The following DZANK1 variants were observed in gnomAD, a reference collection of about 807,000 sequenced individuals.
DZANK1 encodes double zinc ribbon and ankyrin repeat-containing protein 1.
A neutral mutation model predicts 94.5 loss-of-function variants in DZANK1; 91 were observed. The ratio of observed to expected loss-of-function variants is 0.96; its 90% CI spans 0.81 to 1.15. DZANK1 has a LOEUF of 1.15. DZANK1 is among the 50% of genes most tolerant of loss of function. The pLI is 0.00. For missense variants in DZANK1, 903 were observed against 916.4 expected, an observed-to-expected ratio of 0.99 and a Z score of 0.19; for synonymous variants, 312 against 325.3, an observed-to-expected ratio of 0.96 and a Z score of 0.44.
At chr20:18,465,658 A>T (rs2059623211) in intron 1 of DZANK1, among the ~76,000 whole-genome samples, 2 of 152,196 alleles carry the variant, frequency 1.3e-5, no homozygotes, top group South Asian at 2.1e-4. Flanking sequence ...AAATTAAATG[A>T]GTAAGGCAAA....
intron 13 of DZANK1, among the ~76,000 whole-genome samples, chr20:18,402,092 T>C (rs1337323576): frequency 1.3e-5 from 2 of 152,158 alleles, no homozygotes; most frequent in Admixed American, 6.5e-5. Context: ...GACCAACTTC[T>C]GGCATGGCAG....
intron 8 of DZANK1, among the ~76,000 whole-genome samples, chr20:18,434,277 G>T (rs2063854284): frequency 6.6e-6 from 1 of 152,062 alleles, no homozygotes; most frequent in African/African-American, 2.4e-5. Flanking sequence ...GGGTGCGGTG[G>T]CTCATGCCTG....
At chr20:18,452,267 G>T (rs2059129670) in intron 6 of DZANK1, among the ~76,000 whole-genome samples, 1 of 152,186 alleles carries the variant, frequency 6.6e-6, no homozygotes, top group African/African-American at 2.4e-5. Context: ...TCAGGCCTGA[G>T]AATGTGTGTT....
rs73902459 is a variant in DZANK1 at position 18,413,263 on chromosome 20, G to A, written c.1243-428C>T. Reference sequence around the variant, plus strand: ...AGAGGACTACCATGAAAGGTTGTGCGTTGCACAACGTCACTGCATTCAAAG... The same window carrying A: ...AGAGGACTACCATGAAAGGTTGTGCATTGCACAACGTCACTGCATTCAAAG... On this transcript the variant is annotated intron_variant, in intron 12 of 20. Transcript: ENST00000262547. 1,167 of 200,454 alleles carry A rather than the reference G, an allele frequency of 5.8e-3. 15 individuals are homozygous for A. The highest frequency in any genetic ancestry group is 0.026 in the African/African-American group (1,109 of 42,942). The allele number at this position is 200,454 out of a possible 1,614,324, so 12.4% of individuals were successfully genotyped here. A position where few individuals can be genotyped will look rare whatever the true frequency, so the allele number is the denominator to read the frequency against.
intron 4 of DZANK1, 33 bp from the exon 5 acceptor site, chr20:18,453,860 G>T: frequency 8.0e-7 from 1 of 1,253,244 alleles, no homozygotes; most frequent in Non-Finnish European, 1.2e-6. Context: ...TCAATCACTT[G>T]GTTATTCCCA....
chr20:18,394,216 G>C (rs1208996660), intron 16 of DZANK1, 38 bp downstream of exon 16: 3 of 1,570,514 alleles, frequency 1.9e-6, no homozygotes, highest in Non-Finnish European at 1.7e-6. Context: ...TGTGTTCCTG[G>C]TCAGTTGTTT....
chr20:18,398,390 G>A (rs2056477467), intron 14 of DZANK1, 133 bp downstream of exon 14: 4 of 759,128 alleles, frequency 5.3e-6, no homozygotes, highest in Non-Finnish European at 9.0e-6. Context: ...AGGCAGAAGA[G>A]TAAGAAAGTG....
chr20:18,434,437 T>C (rs1054364303), intron 8 of DZANK1, among the ~76,000 whole-genome samples: 1 of 146,642 alleles, frequency 6.8e-6, no homozygotes. Context: ...CCCAGCTACT[T>C]GGGAGGCTGA....
chr20:18,460,539 C>T (rs983882318), intron 2 of DZANK1, among the ~76,000 whole-genome samples: 54 of 152,118 alleles, frequency 3.5e-4, no homozygotes, highest in African/African-American at 1.3e-3. Flanking sequence ...ACCATCCTGG[C>T]TAACATGGTG....
At chr20:18,431,901 T>C (rs2058299601) in intron 9 of DZANK1, among the ~76,000 whole-genome samples, 1 of 152,250 alleles carries the variant, frequency 6.6e-6, no homozygotes, top group Admixed American at 6.5e-5. Flanking sequence ...TTCCTCATTA[T>C]ATGTTCTAAC....
chr20:18,383,676 A>C (rs1388456196), exon 21 of DZANK1: 1 of 152,320 alleles, frequency 6.6e-6, no homozygotes, highest in Non-Finnish European at 1.5e-5. Flanking sequence ...CTAACTCTGC[A>C]CAACCCCGGG....
At chr20:18,400,882 T>C (rs1024350399) in intron 13 of DZANK1, among the ~76,000 whole-genome samples, 10 of 152,150 alleles carry the variant, frequency 6.6e-5, no homozygotes, top group Non-Finnish European at 1.5e-4. Flanking sequence ...TAAATACGTA[T>C]GTAGGAGTAT....
chr20:18,445,450 A>T (rs1012051227), intron 7 of DZANK1, among the ~76,000 whole-genome samples: 1 of 152,250 alleles, frequency 6.6e-6, no homozygotes, highest in Admixed American at 6.5e-5. Context: ...GAAAATCAGT[A>T]AAGATAGAGA....
At chr20:18,401,768 C>T (rs997228288) in intron 13 of DZANK1, among the ~76,000 whole-genome samples, 1 of 152,200 alleles carries the variant, frequency 6.6e-6, no homozygotes, top group East Asian at 1.9e-4. Context: ...AACTTCTTTA[C>T]ACAGTGCTGA....
intron 2 of DZANK1, among the ~76,000 whole-genome samples, chr20:18,461,764 T>A (rs1454235342): frequency 6.6e-6 from 1 of 152,084 alleles, no homozygotes; most frequent in Non-Finnish European, 1.5e-5. Context: ...CACGCCCAGC[T>A]AATTTTTGTA....
At chr20:18,389,717 C>A (rs372715267) in exon 19 of DZANK1, 45 of 1,613,702 alleles carry the variant, frequency 2.8e-5, no homozygotes, top group Middle Eastern at 1.6e-4. Context: ...CACTGCTGGT[C>A]GATGTCTGCT....
chr20:18,445,781 G>C (rs1490732108), intron 7 of DZANK1, among the ~76,000 whole-genome samples: 1 of 152,090 alleles, frequency 6.6e-6, no homozygotes, highest in Non-Finnish European at 1.5e-5. Context: ...TTTTGAGACA[G>C]AGTCTTCCTC....
chr20:18,452,857 C>G (rs553709420), intron 5 of DZANK1, 118 bp from the exon 6 acceptor site: 3 of 1,045,226 alleles, frequency 2.9e-6, no homozygotes, highest in Non-Finnish European at 4.0e-6. Context: ...CATTGCTTCC[C>G]TAGAAGTAAC....
chr20:18,460,215 C>T (rs760941346), exon 3 of DZANK1: 14 of 1,594,692 alleles, frequency 8.8e-6, no homozygotes, highest in Admixed American at 1.7e-5. Flanking sequence ...GTTTTATATA[C>T]TTAAATGTGT....
Sources: gnomAD v4.1 joint callset for allele counts (sites outside exome capture counted in the v4.1 genomes callset) on GRCh38, gnomAD v4.1.1 for gene constraint, MANE v1.5 for transcripts, NCBI Gene and HGNC (gene_info 2026-07-23, HGNC 2026-07-21) for gene names.